The following THOC2 variants were observed in gnomAD, a reference collection of about 807,000 sequenced individuals.
THOC2 encodes the protein THO complex subunit 2.
THOC2 carries 10 observed loss-of-function variants against 128.4 expected under a neutral mutation model. The observed-to-expected ratio is 0.08, with a 90% CI of 0.05 to 0.13. The LOEUF is 0.13. Among genes scored for constraint, THOC2 ranks in the 10% least tolerant of loss-of-function variants. THOC2 has a pLI of 1.00. For synonymous variants in THOC2, 393 were observed against 396.9 expected (o/e 0.99, Z 0.12); for missense variants, 535 against 1,155.7 (o/e 0.46, Z 7.79).
intron 8 of THOC2, among the ~76,000 whole-genome samples, chrX:123,678,723 A>G (rs2049620269): frequency 9.1e-6 from 1 of 110,487 alleles, no homozygotes; most frequent in African/African-American, 3.3e-5. Context: ...AACCACCGTC[A>G]TATATGTGGT....
At position 123,730,830 on chromosome X, in the gene THOC2, G is replaced by A. The variant is rs764170273; in HGVS notation, c.71+2122C>T. On this transcript the variant is annotated intron_variant, in intron 1 of 38. Coordinates refer to ENST00000245838, the MANE Select transcript of THOC2 (RefSeq NM_001081550.2). ...GTGGTAGCACGCGCCTGTAGTCCCA[G>A]CTACTCAGGAGGCTGAGACAGGAGA... Among the ~76,000 whole-genome samples, 123 of 112,145 alleles carry A rather than the reference G, an allele frequency of 1.1e-3. 1 individual carries two copies. The highest frequency in any genetic ancestry group is 3.8e-3 in the African/African-American group (118 of 30,916).
chrX:123,634,601 T>C (rs1442003974), intron 19 of THOC2, among the ~76,000 whole-genome samples: 1 of 111,974 alleles, frequency 8.9e-6, no homozygotes, highest in Non-Finnish European at 1.9e-5. Context: ...CCATTCATAT[T>C]TCATTTTATC....
intron 15 of THOC2, among the ~76,000 whole-genome samples, chrX:123,643,072 G>A (rs938316593): frequency 9.0e-6 from 1 of 111,510 alleles, no homozygotes; most frequent in African/African-American, 3.3e-5. Context: ...AAGTAACACT[G>A]GAGCTCACTC....
At chrX:123,662,123 T>A (rs978598900) in intron 12 of THOC2, among the ~76,000 whole-genome samples, 5 of 112,343 alleles carry the variant, frequency 4.5e-5, no homozygotes, top group Non-Finnish European at 7.5e-5. Flanking sequence ...TCAAATTAGA[T>A]ATAATCACCA....
chrX:123,611,505 A>G lies in THOC2; in HGVS notation c.4689T>C (p.His1563=), dbSNP rs2147537065. The part of the protein sequence containing the change: ...ISSGGKKESR[H]DKEKIEKKEK... ...CTTTCTTTTCTATCTTTTCTTTATCATGCCTGGACTCCTATAAGAAATAGT... is the reference window on the plus strand; with the variant it reads ...CTTTCTTTTCTATCTTTTCTTTATCGTGCCTGGACTCCTATAAGAAATAGT... The change falls in exon 37 of 39, where the codon CAT becomes CAC. Residue 1563 remains histidine, a synonymous_variant. Transcript: ENST00000245838. The G allele has an allele frequency of 8.6e-7, 1 of 1,165,448 alleles. No individual in the cohort carries two copies. The highest frequency in any genetic ancestry group is 2.2e-5 in the Admixed American group (1 of 45,675).
rs1408662170 is a variant in THOC2 at position 123,603,918 on chromosome X, CAAG to C, written c.*19-2583_*19-2581del. On this transcript the variant is annotated intron_variant, in intron 38 of 38. Transcript: ENST00000245838. The stretch of plus-strand genomic sequence containing the variant: ...AACTTCAGAAAGAGCTAGCTGTCAT[CAAG>C]AAGAAAGTTGCATAGTGATGAAGCA... 4 of 128,895 alleles carry C rather than the reference CAAG, an allele frequency of 3.1e-5. No individual in the cohort carries two copies. In the Admixed American group the frequency reaches 3.6e-4, roughly 12 times the overall value. 10.6% of individuals were successfully genotyped at this position (128,895 alleles called of 1,213,427 possible). A position where few individuals can be genotyped will look rare whatever the true frequency, so the allele number is the denominator to read the frequency against.
At chrX:123,710,753 G>A (rs1220471597) in intron 2 of THOC2, among the ~76,000 whole-genome samples, 2 of 109,343 alleles carry the variant, frequency 1.8e-5, no homozygotes, top group African/African-American at 6.7e-5. Context: ...TCTTTGGGAG[G>A]CTAAGGTGTG....
intron 12 of THOC2, among the ~76,000 whole-genome samples, chrX:123,664,773 T>C (rs2048984847): frequency 9.0e-6 from 1 of 111,385 alleles, no homozygotes; most frequent in African/African-American, 3.3e-5. Context: ...ACTATTTGAG[T>C]TGGGTAGTGG....
intron 12 of THOC2, among the ~76,000 whole-genome samples, chrX:123,657,958 TGC>T (rs2048669968): frequency 1.6e-5 from 1 of 64,025 alleles, no homozygotes; most frequent in East Asian, 5.2e-4. Flanking sequence ...CATACGCATA[TGC>T]GTGTGTGTGT....
intron 38 of THOC2, among the ~76,000 whole-genome samples, chrX:123,605,691 T>A (rs1004775422): frequency 9.0e-6 from 1 of 111,337 alleles, no homozygotes; most frequent in African/African-American, 3.3e-5. Context: ...GAGTTCCCTA[T>A]CCCATACCCT....
At chrX:123,660,658 T>G (rs1389459004) in intron 12 of THOC2, among the ~76,000 whole-genome samples, 1 of 112,271 alleles carries the variant, frequency 8.9e-6, no homozygotes, top group Non-Finnish European at 1.9e-5. Context: ...CTAGCTAACA[T>G]GAATCATCCT....
rs1603289769 is a variant in THOC2, at chrX:123,668,403, C to T, written c.862-89G>A. On this transcript the variant is annotated intron_variant, in intron 9 of 38. Coordinates refer to ENST00000245838, the MANE Select transcript of THOC2 (RefSeq NM_001081550.2). ...GAAACACTATTCTCAATTGATAAAA[C>T]TATAAATAAGAAGTCTAACTTATTC... The T allele has an allele frequency of 2.8e-5, 16 of 568,586 alleles. No individual in the cohort carries two copies. In the East Asian group the frequency reaches 5.9e-4, roughly 21 times the overall value. 46.9% of individuals were successfully genotyped at this position (568,586 alleles called of 1,213,427 possible). A position where few individuals can be genotyped will look rare whatever the true frequency, so the allele number is the denominator to read the frequency against.
intron 12 of THOC2, among the ~76,000 whole-genome samples, chrX:123,662,491 G>A (rs55930223): frequency 1.1e-4 from 12 of 107,571 alleles, no homozygotes; most frequent in Non-Finnish European, 2.1e-4. Flanking sequence ...GGGAGGCTGA[G>A]GCAGGAGAAT....
chrX:123,693,397 C>A (rs1486727705), intron 7 of THOC2, among the ~76,000 whole-genome samples: 1 of 111,885 alleles, frequency 8.9e-6, no homozygotes, highest in East Asian at 2.8e-4. Flanking sequence ...ACCTGGGAGG[C>A]AGAGGTTGCG....
chrX:123,630,512 C>T (rs1036056613), intron 22 of THOC2, among the ~76,000 whole-genome samples: 2 of 103,807 alleles, frequency 1.9e-5, no homozygotes, highest in Non-Finnish European at 3.9e-5. Context: ...ACTTGGGAGC[C>T]TGGGATAGGA....
intron 8 of THOC2, among the ~76,000 whole-genome samples, chrX:123,674,647 C>T (rs6649058): frequency 0.27 from 29,665 of 110,447 alleles, 3,124 homozygotes; most frequent in East Asian, 0.67. Flanking sequence ...CTATCACTGC[C>T]TTTTTTGTTT....
At chrX:123,723,696 A>C (rs1386897240) in intron 1 of THOC2, among the ~76,000 whole-genome samples, 2 of 112,174 alleles carry the variant, frequency 1.8e-5, no homozygotes, top group Non-Finnish European at 3.8e-5. Context: ...AGCCAGAAAC[A>C]GTAGGATAAA....
At chrX:123,680,819 C>A (rs374727345) in intron 8 of THOC2, among the ~76,000 whole-genome samples, 4 of 111,871 alleles carry the variant, frequency 3.6e-5, no homozygotes, top group East Asian at 5.6e-4. Context: ...GTCCTTAACT[C>A]TACTTTCTCA....
chrX:123,608,995 C>G (rs770192847), intron 38 of THOC2, among the ~76,000 whole-genome samples: 1 of 112,201 alleles, frequency 8.9e-6, no homozygotes, highest in African/African-American at 3.2e-5. Context: ...ATGGTCAGTG[C>G]AAGAAAAACT....
Sources: allele counts gnomAD v4.1 joint callset (sites outside exome capture counted in the v4.1 genomes callset), GRCh38; gene constraint gnomAD v4.1.1; transcripts MANE v1.5; gene names NCBI Gene and HGNC (gene_info 2026-07-23, HGNC 2026-07-21).